The following ARHGAP15 variants were observed in gnomAD, a reference collection of about 807,000 sequenced individuals.
ARHGAP15 encodes Rho GTPase activating protein 15.
A neutral mutation model predicts 63.7 loss-of-function variants in ARHGAP15; 51 were observed. That is an observed-to-expected ratio of 0.80 (90% confidence interval 0.64 to 1.01). ARHGAP15 has a LOEUF of 1.01. Among genes scored for constraint, ARHGAP15 ranks in the 50% least tolerant of loss-of-function variants. The pLI, the probability that ARHGAP15 is intolerant of heterozygous loss-of-function variation, is 0.00. For missense variants in ARHGAP15, 560 were observed against 564.6 expected (o/e 0.99, Z 0.08); for synonymous variants, 191 against 193.8 (o/e 0.99, Z 0.12).
At chr2:143,742,721 C>T (rs1574917225) in intron 13 of ARHGAP15, among the ~76,000 whole-genome samples, 1 of 152,188 alleles carries the variant, frequency 6.6e-6, no homozygotes, top group Non-Finnish European at 1.5e-5. Context: ...CCTTTATTCC[C>T]CTCACAGTCC....
At chr2:143,539,933 C>G (rs1399196715) in intron 10 of ARHGAP15, among the ~76,000 whole-genome samples, 2 of 151,794 alleles carry the variant, frequency 1.3e-5, no homozygotes, top group Admixed American at 6.6e-5. Context: ...CCTGGATATC[C>G]TTGTTTACTT....
intron 2 of ARHGAP15, among the ~76,000 whole-genome samples, chr2:143,180,798 C>T (rs956850730): frequency 1.3e-5 from 2 of 152,078 alleles, no homozygotes; most frequent in African/African-American, 2.4e-5. Context: ...CTCAGCCTCC[C>T]GAGTAGCTGG....
intron 10 of ARHGAP15, chr2:143,519,590 G>A: frequency 3.0e-6 from 1 of 330,304 alleles, no homozygotes; most frequent in South Asian, 3.6e-5. Flanking sequence ...TATTTTGTCT[G>A]TCTGACTTAC....
intron 6 of ARHGAP15, among the ~76,000 whole-genome samples, chr2:143,300,044 T>C (rs1479962355): frequency 2.6e-5 from 4 of 152,060 alleles, no homozygotes; most frequent in Non-Finnish European, 5.9e-5. Flanking sequence ...TTTAATAACA[T>C]TTGATAAATG....
chr2:143,239,562 G>C (rs1188304921), intron 5 of ARHGAP15, among the ~76,000 whole-genome samples: 4 of 151,996 alleles, frequency 2.6e-5, no homozygotes, highest in African/African-American at 9.7e-5. Context: ...GGCATTTAAT[G>C]AACTATTAAC....
intron 12 of ARHGAP15, among the ~76,000 whole-genome samples, chr2:143,637,436 T>A (rs1297369657): frequency 6.6e-6 from 1 of 152,100 alleles, no homozygotes; most frequent in Non-Finnish European, 1.5e-5. Context: ...CACACCATCT[T>A]GTACCATGGT....
intron 2 of ARHGAP15, among the ~76,000 whole-genome samples, chr2:143,175,245 A>G (rs1690969068): frequency 6.6e-6 from 1 of 152,170 alleles, no homozygotes; most frequent in Non-Finnish European, 1.5e-5. Context: ...GAAAGAAATG[A>G]GGAAGAGCAC....
chr2:143,722,191 T>A (rs983991197), intron 13 of ARHGAP15, among the ~76,000 whole-genome samples: 6 of 149,574 alleles, frequency 4.0e-5, no homozygotes, highest in Admixed American at 6.7e-5. Flanking sequence ...ACACACACAC[T>A]CACACACACA....
chr2:143,414,186 G>T (rs1464184523), intron 6 of ARHGAP15, among the ~76,000 whole-genome samples: 1 of 151,138 alleles, frequency 6.6e-6, no homozygotes, highest in African/African-American at 2.4e-5. Flanking sequence ...CAAAGAAAAT[G>T]TACTAAAAAA....
chr2:143,459,920 G>A (rs888631568), intron 8 of ARHGAP15, among the ~76,000 whole-genome samples: 1 of 152,118 alleles, frequency 6.6e-6, no homozygotes, highest in East Asian at 1.9e-4. Flanking sequence ...GTATGGGAGA[G>A]GGATACAAAA....
chr2:143,461,896 C>G (rs777591685), intron 8 of ARHGAP15, among the ~76,000 whole-genome samples: 1 of 152,130 alleles, frequency 6.6e-6, no homozygotes. Flanking sequence ...CGGCCTGCTG[C>G]TGTGGCTCAT....
intron 6 of ARHGAP15, among the ~76,000 whole-genome samples, chr2:143,411,202 C>CA (rs1252348309): frequency 3.4e-5 from 5 of 148,740 alleles, no homozygotes; most frequent in African/African-American, 4.9e-5. Flanking sequence ...GAGACTATCT[C>CA]AAAAAAACAA....
rs189961830 is a variant in ARHGAP15 at position 143,135,284 on chromosome 2, A to T, written c.-15+5818A>T. On this transcript the variant is annotated intron_variant, in intron 1 of 13. Transcript: ENST00000295095. ...TTTCTGCATGTCAAAAACTAGACAG[A>T]ATATCTTATTTTAAAACTTATCCTT... Among the ~76,000 whole-genome samples, 99 of 152,346 alleles carry T rather than the reference A, an allele frequency of 6.5e-4. 1 individual carries two copies. The highest frequency in any genetic ancestry group is 2.3e-3 in the African/African-American group (94 of 41,586).
chr2:143,166,103 T>A (rs1369089727), intron 2 of ARHGAP15, among the ~76,000 whole-genome samples: 3 of 152,050 alleles, frequency 2.0e-5, no homozygotes, highest in Non-Finnish European at 4.4e-5. Context: ...TGCTAATGAA[T>A]TACCTTTGAC....
chr2:143,461,673 C>A (rs974981358), intron 8 of ARHGAP15, among the ~76,000 whole-genome samples: 29 of 152,140 alleles, frequency 1.9e-4, no homozygotes, highest in African/African-American at 6.5e-4. Flanking sequence ...AACCATTTTT[C>A]AGTGTCCATT....
chr2:143,438,408 T>C (rs1320875347), intron 8 of ARHGAP15, among the ~76,000 whole-genome samples: 3 of 150,812 alleles, frequency 2.0e-5, no homozygotes, highest in African/African-American at 7.5e-5. Context: ...AGAAGCTATT[T>C]ATATGTGATA....
Position 143,686,383 on chromosome 2 carries a change from C to CAAAAA in ARHGAP15, c.1139-17007_1139-17003dup, listed in dbSNP as rs35554349. 3.4e-4 allele frequency among the ~76,000 whole-genome samples: 19 copies of CAAAAA among 55,074 alleles called. 1 individual carries two copies. The highest frequency in any genetic ancestry group is 1.4e-3 in the African/African-American group (17 of 12,066). The allele number at this position is 55,074 out of a possible 152,430, so 36.1% of individuals were successfully genotyped here. On this transcript the variant is annotated intron_variant, in intron 12 of 13. Transcript: ENST00000295095. ...TGGGTGACAGAGCGAGACTCTGTCT[C>CAAAAA]AAAAAAAAAAAAAAAAAAAAAAAAA...
At chr2:143,434,801 C>A (rs1012097874) in intron 6 of ARHGAP15, among the ~76,000 whole-genome samples, 3 of 152,056 alleles carry the variant, frequency 2.0e-5, no homozygotes, top group African/African-American at 7.2e-5. Context: ...CTCTAAGTTG[C>A]CCGTTATGTG....
rs114593811 is a variant in ARHGAP15 at position 143,514,306 on chromosome 2, T to G, written c.827-4960T>G. Among the ~76,000 whole-genome samples, 496 of 152,264 alleles carry G rather than the reference T, an allele frequency of 3.3e-3. 6 individuals carry two copies. The highest frequency in any genetic ancestry group is 0.012 in the African/African-American group (481 of 41,562). On this transcript the variant is annotated intron_variant, in intron 9 of 13. Coordinates refer to ENST00000295095, the MANE Select transcript of ARHGAP15 (RefSeq NM_018460.4). ...AGGTGTTCACTAAATAGTCACTGAATGGAATTGGATGGAATTGGGTTAATC... is the reference window on the plus strand; with the variant it reads ...AGGTGTTCACTAAATAGTCACTGAAGGGAATTGGATGGAATTGGGTTAATC...
Sources: allele counts gnomAD v4.1 joint callset (sites outside exome capture counted in the v4.1 genomes callset), GRCh38; gene constraint gnomAD v4.1.1; transcripts MANE v1.5; gene names NCBI Gene and HGNC (gene_info 2026-07-23, HGNC 2026-07-21).